The following RCAN2 variants were observed in gnomAD, a reference collection of about 807,000 sequenced individuals.
The protein encoded by RCAN2 is calcipressin-2.
A neutral mutation model predicts 23.6 loss-of-function variants in RCAN2; 9 were observed. The ratio of observed to expected loss-of-function variants is 0.38; its 90% CI spans 0.23 to 0.67. The LOEUF (loss-of-function observed/expected upper bound fraction) is 0.67. RCAN2 is among the 30% of genes least tolerant of loss of function. RCAN2 has a pLI of 0.51. For synonymous variants in RCAN2, 109 were observed against 115.7 expected (o/e 0.94, Z 0.37); for missense variants, 273 against 302.3 (o/e 0.90, Z 0.72).
intron 4 of RCAN2, among the ~76,000 whole-genome samples, chr6:46,227,914 T>G (rs1765732383): frequency 6.6e-6 from 1 of 152,206 alleles, no homozygotes; most frequent in Non-Finnish European, 1.5e-5. Context: ...GGGCATTTAG[T>G]GCTATAAATT....
chr6:46,321,645 A>G (rs1488700845), intron 2 of RCAN2, among the ~76,000 whole-genome samples: 1 of 152,230 alleles, frequency 6.6e-6, no homozygotes, highest in Non-Finnish European at 1.5e-5. Context: ...ACCATTGCAG[A>G]GAAGGGGCAG....
intron 4 of RCAN2, among the ~76,000 whole-genome samples, chr6:46,243,571 G>T (rs576777471): frequency 4.1e-4 from 62 of 152,182 alleles, no homozygotes; most frequent in African/African-American, 1.4e-3. Flanking sequence ...AGCACTTTGG[G>T]AGACTGAGGC....
chr6:46,262,776 T>C (rs1767155700), intron 2 of RCAN2, among the ~76,000 whole-genome samples: 1 of 152,160 alleles, frequency 6.6e-6, no homozygotes, highest in Admixed American at 6.5e-5. Context: ...TTGTTGCCTA[T>C]ATTCCAGCCA....
chr6:46,404,568 AC>A, intron 2 of RCAN2, among the ~76,000 whole-genome samples: 1 of 152,208 alleles, frequency 6.6e-6, no homozygotes. Flanking sequence ...TTTAATAGAA[AC>A]CATAAAATAT....
intron 2 of RCAN2, among the ~76,000 whole-genome samples, chr6:46,396,959 A>T (rs1215915189): frequency 6.6e-6 from 1 of 152,010 alleles, no homozygotes; most frequent in Admixed American, 6.5e-5. Flanking sequence ...AAAAATACAA[A>T]AATTAGCTGG....
intron 2 of RCAN2, among the ~76,000 whole-genome samples, chr6:46,343,180 G>A (rs1225732374): frequency 6.6e-6 from 1 of 152,002 alleles, no homozygotes; most frequent in East Asian, 1.9e-4. Context: ...AACAACAACA[G>A]GAATTACTAT....
intron 2 of RCAN2, among the ~76,000 whole-genome samples, chr6:46,436,529 T>A (rs573977920): frequency 1.0e-3 from 154 of 152,008 alleles, no homozygotes; most frequent in Non-Finnish European, 1.6e-3. Context: ...GTCCCATGAG[T>A]TTTAAATGAT....
intron 2 of RCAN2, among the ~76,000 whole-genome samples, chr6:46,321,151 A>G (rs1473091464): frequency 6.6e-6 from 1 of 152,138 alleles, no homozygotes; most frequent in Non-Finnish European, 1.5e-5. Context: ...ATAAACTGTC[A>G]CTTCCCCAGA....
chr6:46,465,045 G>T (rs1039150842), intron 1 of RCAN2, among the ~76,000 whole-genome samples: 4 of 152,022 alleles, frequency 2.6e-5, no homozygotes, highest in African/African-American at 4.8e-5. Context: ...ATAATAAAAA[G>T]GGGAGGAAGA....
At chr6:46,229,273 T>A (rs966004610) in intron 4 of RCAN2, among the ~76,000 whole-genome samples, 1 of 152,144 alleles carries the variant, frequency 6.6e-6, no homozygotes, top group Non-Finnish European at 1.5e-5. Flanking sequence ...TCATGGAGTA[T>A]CTTTGTGGCG....
At chr6:46,403,213 C>A (rs1766307845) in intron 2 of RCAN2, among the ~76,000 whole-genome samples, 1 of 152,054 alleles carries the variant, frequency 6.6e-6, no homozygotes, top group Non-Finnish European at 1.5e-5. Flanking sequence ...GATCCGCCCA[C>A]CTCAGCCTCC....
chr6:46,464,954 G>T (rs1207083528), intron 1 of RCAN2, among the ~76,000 whole-genome samples: 2 of 149,792 alleles, frequency 1.3e-5, no homozygotes, highest in Non-Finnish European at 3.0e-5. Flanking sequence ...ATGTCCTTTT[G>T]CACTGGATGT....
At chr6:46,473,246 A>G (rs1768618797) in intron 1 of RCAN2, among the ~76,000 whole-genome samples, 1 of 152,166 alleles carries the variant, frequency 6.6e-6, no homozygotes, top group African/African-American at 2.4e-5. Context: ...GCCACATACA[A>G]TATCTTACGG....
At chr6:46,484,371 C>T (rs1489692865) in intron 1 of RCAN2, among the ~76,000 whole-genome samples, 2 of 152,228 alleles carry the variant, frequency 1.3e-5, no homozygotes, top group African/African-American at 2.4e-5. Context: ...GTTTTCTCTG[C>T]GTCGTGTCTC....
At chr6:46,330,068 A>G (rs971003840) in intron 2 of RCAN2, among the ~76,000 whole-genome samples, 6 of 152,180 alleles carry the variant, frequency 3.9e-5, no homozygotes, top group Non-Finnish European at 5.9e-5. Context: ...TTAAATGTTT[A>G]TTATGGAGAA....
At chr6:46,436,669 G>A (rs560245459) in intron 2 of RCAN2, among the ~76,000 whole-genome samples, 1 of 152,312 alleles carries the variant, frequency 6.6e-6, no homozygotes, top group African/African-American at 2.4e-5. Flanking sequence ...GGTCAATACT[G>A]TTACTTGATG....
At chr6:46,444,795 C>T (rs1403178395) in intron 2 of RCAN2, among the ~76,000 whole-genome samples, 1 of 152,142 alleles carries the variant, frequency 6.6e-6, no homozygotes, top group African/African-American at 2.4e-5. Flanking sequence ...TCACACAGAG[C>T]TAGGCTCCAG....
chr6:46,224,521 G>A (rs975062894), intron 4 of RCAN2, among the ~76,000 whole-genome samples: 1 of 152,094 alleles, frequency 6.6e-6, no homozygotes, highest in African/African-American at 2.4e-5. Context: ...CCCTAATCAT[G>A]ACAGCTACAT....
rs559071513 is a variant in RCAN2 at position 46,311,345 on chromosome 6, A to C, written c.226-62449T>G. 2.0e-5 allele frequency among the ~76,000 whole-genome samples: 3 copies of C among 152,350 alleles called. No homozygotes were observed. In the South Asian group the frequency reaches 6.2e-4, roughly 32 times the overall value. ...AGGATGGACACATCTACATAAGCAG[A>C]AACTTACTGGTTTATTCTATGCAAC... On this transcript the variant is annotated intron_variant, in intron 2 of 4. Transcript: ENST00000371374.
Sources: gnomAD v4.1 joint callset for allele counts (sites outside exome capture counted in the v4.1 genomes callset) on GRCh38, gnomAD v4.1.1 for gene constraint, MANE v1.5 for transcripts, NCBI Gene and HGNC (gene_info 2026-07-23, HGNC 2026-07-21) for gene names.